The following CNBD1 variants were observed in gnomAD, a reference collection of about 807,000 sequenced individuals.
CNBD1 encodes the protein cyclic nucleotide-binding domain-containing protein 1.
In CNBD1, 71 loss-of-function variants were observed where a neutral mutation model predicts 54.4. The ratio of observed to expected loss-of-function variants is 1.30; its 90% confidence interval spans 1.08 to 1.59. The LOEUF (loss-of-function observed/expected upper bound fraction) is 1.59. Among genes scored for constraint, CNBD1 ranks in the 40% most tolerant of loss-of-function variants. The pLI is 0.00. For missense variants in CNBD1, 659 were observed against 518.0 expected (o/e 1.27, Z -2.64); for synonymous variants, 182 against 170.7 (o/e 1.07, Z -0.51).
intron 5 of CNBD1, among the ~76,000 whole-genome samples, chr8:87,213,228 A>G (rs914201555): frequency 6.6e-6 from 1 of 150,938 alleles, no homozygotes; most frequent in African/African-American, 2.5e-5. Context: ...AGAAGTTGGA[A>G]CTCATACATT....
chr8:87,207,855 A>T (rs79619378), intron 5 of CNBD1, among the ~76,000 whole-genome samples: 12,706 of 151,880 alleles, frequency 0.084, 1,599 homozygotes, highest in African/African-American at 0.27. Context: ...AAATTAGGAG[A>T]CTCTGTGTTT....
chr8:87,294,425 C>A (rs753267912), intron 8 of CNBD1, among the ~76,000 whole-genome samples: 2 of 152,146 alleles, frequency 1.3e-5, no homozygotes, highest in African/African-American at 4.8e-5. Flanking sequence ...ACACTGAGAA[C>A]GGATTCTCAA....
intron 4 of CNBD1, among the ~76,000 whole-genome samples, chr8:87,029,635 G>A (rs1809737266): frequency 6.6e-6 from 1 of 152,102 alleles, no homozygotes; most frequent in East Asian, 1.9e-4. Flanking sequence ...GCAGTAAAAA[G>A]TGATTGCCTT....
intron 3 of CNBD1, among the ~76,000 whole-genome samples, chr8:86,939,017 G>A (rs4612361): frequency 0.062 from 9,373 of 151,780 alleles, 317 homozygotes; most frequent in African/African-American, 0.096. Context: ...TGTATTTCTC[G>A]CCTATGAGTT....
intron 8 of CNBD1, among the ~76,000 whole-genome samples, chr8:87,313,896 G>T (rs1809326616): frequency 6.6e-6 from 1 of 151,786 alleles, no homozygotes; most frequent in African/African-American, 2.4e-5. Flanking sequence ...GCAAAAAATT[G>T]TGTTTACCCC....
Position 87,292,948 on chromosome 8 carries a change from T to C in CNBD1, c.1042+6277T>C, listed in dbSNP as rs111931662. 8.5e-4 allele frequency among the ~76,000 whole-genome samples: 129 copies of C among 152,236 alleles called. 1 individual carries two copies. Among genetic ancestry groups the C allele is most frequent in the African/African-American group, 3.0e-3 (126 of 41,548 alleles). On this transcript the variant is annotated intron_variant, in intron 8 of 10. Coordinates refer to ENST00000518476, the MANE Select transcript of CNBD1 (RefSeq NM_173538.3). ...TACTCTATTTTCTTGCTCTATAGTA[T>C]TGAATTCTAGTTTTATGGCCCTACT... is the stretch of plus-strand genomic sequence containing the variant.
chr8:87,378,628 G>T (rs1432925202), intron 10 of CNBD1, among the ~76,000 whole-genome samples: 1 of 148,238 alleles, frequency 6.7e-6, no homozygotes, highest in Non-Finnish European at 1.5e-5. Context: ...GATTGACTTG[G>T]CTCTGCAGGC....
intron 4 of CNBD1, among the ~76,000 whole-genome samples, chr8:87,108,056 T>C (rs543938002): frequency 1.3e-5 from 2 of 152,318 alleles, no homozygotes; most frequent in Non-Finnish European, 2.9e-5. Flanking sequence ...AGTTTCCTAA[T>C]TGGCAGAGGG....
chr8:87,131,543 A>G (rs1217251793), intron 4 of CNBD1, among the ~76,000 whole-genome samples: 1 of 152,040 alleles, frequency 6.6e-6, no homozygotes, highest in African/African-American at 2.4e-5. Context: ...TTTTCTCATT[A>G]AGCATTTAAA....
intron 3 of CNBD1, among the ~76,000 whole-genome samples, chr8:86,927,071 C>G (rs1199462943): frequency 6.6e-6 from 1 of 151,998 alleles, no homozygotes; most frequent in African/African-American, 2.4e-5. Flanking sequence ...TAAGAATATG[C>G]CTTGGCTGGG....
intron 4 of CNBD1, among the ~76,000 whole-genome samples, chr8:86,956,964 G>T (rs1419314651): frequency 6.6e-6 from 1 of 152,126 alleles, no homozygotes; most frequent in Non-Finnish European, 1.5e-5. Context: ...TTGGCTGTGG[G>T]TCTGTCATAA....
At chr8:87,312,213 C>G (rs940286400) in intron 8 of CNBD1, among the ~76,000 whole-genome samples, 1 of 152,034 alleles carries the variant, frequency 6.6e-6, no homozygotes, top group African/African-American at 2.4e-5. Flanking sequence ...AATAAAACTA[C>G]TATATCGATA....
intron 4 of CNBD1, among the ~76,000 whole-genome samples, chr8:87,175,808 G>A (rs894122334): frequency 6.6e-6 from 1 of 152,168 alleles, no homozygotes; most frequent in African/African-American, 2.4e-5. Flanking sequence ...TTTAGTCCTT[G>A]TGTCCTAGAC....
chr8:87,297,466 A>C (rs183205585), intron 8 of CNBD1, among the ~76,000 whole-genome samples: 1 of 152,276 alleles, frequency 6.6e-6, no homozygotes, highest in African/African-American at 2.4e-5. Context: ...ACAGAAAAAG[A>C]GGCAAAAATA....
intron 5 of CNBD1, among the ~76,000 whole-genome samples, chr8:87,230,624 A>T (rs911812208): frequency 2.6e-5 from 4 of 152,172 alleles, no homozygotes; most frequent in Non-Finnish European, 5.9e-5. Flanking sequence ...ATATGCAGTA[A>T]CAATGTATGG....
intron 4 of CNBD1, among the ~76,000 whole-genome samples, chr8:87,070,582 T>C (rs898020648): frequency 6.6e-6 from 1 of 151,450 alleles, no homozygotes; most frequent in Non-Finnish European, 1.5e-5. Context: ...GAAAAAGAGA[T>C]TTTTTTTTCC....
intron 10 of CNBD1, among the ~76,000 whole-genome samples, chr8:87,379,627 T>C (rs1811032277): frequency 1.3e-5 from 2 of 151,978 alleles, no homozygotes; most frequent in African/African-American, 4.8e-5. Context: ...AGGGAAAACA[T>C]TAGCAAATAA....
intron 10 of CNBD1, among the ~76,000 whole-genome samples, chr8:87,368,792 C>T (rs1810697580): frequency 1.3e-5 from 2 of 151,886 alleles, no homozygotes; most frequent in Admixed American, 1.3e-4. Context: ...AATGACCTTG[C>T]TTGTCTCATT....
At chr8:87,103,275 C>T (rs150640949) in intron 4 of CNBD1, among the ~76,000 whole-genome samples, 1 of 152,122 alleles carries the variant, frequency 6.6e-6, no homozygotes, top group African/African-American at 2.4e-5. Flanking sequence ...TACAAAAAGC[C>T]TTGATTTATT....
Sources: allele counts gnomAD v4.1 joint callset (sites outside exome capture counted in the v4.1 genomes callset), GRCh38; gene constraint gnomAD v4.1.1; transcripts MANE v1.5; gene names NCBI Gene and HGNC (gene_info 2026-07-23, HGNC 2026-07-21).